Variants in KCNH1 observed in about 807,000 individuals in gnomAD.
KCNH1 encodes the protein voltage-gated delayed rectifier potassium channel KCNH1.
A neutral mutation model predicts 69.2 loss-of-function variants in KCNH1; 27 were observed. That is an observed-to-expected ratio of 0.39 (90% CI 0.29 to 0.54). KCNH1 has a LOEUF of 0.54. KCNH1 is among the 20% of genes least tolerant of loss of function. The pLI, the probability that KCNH1 is intolerant of heterozygous loss-of-function variation, is 0.68. For synonymous variants in KCNH1, 456 were observed against 487.7 expected, an observed-to-expected ratio of 0.93 and a Z score of 0.86; for missense variants, 798 against 1,261.6, an observed-to-expected ratio of 0.63 and a Z score of 5.57.
At chr1:211,035,986 C>T (rs557370538) in intron 5 of KCNH1, among the ~76,000 whole-genome samples, 1 of 152,168 alleles carries the variant, frequency 6.6e-6, no homozygotes, top group South Asian at 2.1e-4. Flanking sequence ...ATGCACCAGG[C>T]GCTTGGTCTA....
intron 10 of KCNH1, among the ~76,000 whole-genome samples, chr1:210,751,375 G>T (rs1468395813): frequency 6.6e-6 from 1 of 152,154 alleles, no homozygotes; most frequent in Non-Finnish European, 1.5e-5. Context: ...CAGTTTTAGT[G>T]GCTGTATGAC....
chr1:211,023,610 C>T (rs758010196), intron 5 of KCNH1, among the ~76,000 whole-genome samples: 10 of 151,708 alleles, frequency 6.6e-5, no homozygotes, highest in Non-Finnish European at 1.2e-4. Context: ...AAGCTGACCT[C>T]CTAGAAGTAG....
At chr1:211,076,841 G>T (rs568113033) in intron 5 of KCNH1, among the ~76,000 whole-genome samples, 1 of 152,184 alleles carries the variant, frequency 6.6e-6, no homozygotes, top group Non-Finnish European at 1.5e-5. Flanking sequence ...CGAACCCATC[G>T]CAAGGAAGCT....
chr1:211,035,908 T>C (rs905167761), intron 5 of KCNH1, among the ~76,000 whole-genome samples: 2 of 152,186 alleles, frequency 1.3e-5, no homozygotes, highest in African/African-American at 4.8e-5. Flanking sequence ...ACCTTCCTCC[T>C]CAGAAGTGTG....
intron 6 of KCNH1, among the ~76,000 whole-genome samples, chr1:210,971,295 A>G (rs566670841): frequency 8.9e-4 from 136 of 152,242 alleles, no homozygotes; most frequent in African/African-American, 3.1e-3. Flanking sequence ...TTATATGTCT[A>G]AATATTTTCT....
At chr1:210,737,998 G>T (rs779850832) in intron 10 of KCNH1, among the ~76,000 whole-genome samples, 9 of 152,110 alleles carry the variant, frequency 5.9e-5, no homozygotes, top group Non-Finnish European at 1.3e-4. Flanking sequence ...CTTAGAATAA[G>T]AGCCAAAGTC....
intron 7 of KCNH1, among the ~76,000 whole-genome samples, chr1:210,868,030 T>C (rs1686152680): frequency 6.6e-6 from 1 of 152,034 alleles, no homozygotes; most frequent in South Asian, 2.1e-4. Context: ...TGAACAGAAG[T>C]GGAAACACTA....
At chr1:210,736,398 A>C (rs1177843599) in intron 10 of KCNH1, among the ~76,000 whole-genome samples, 1 of 152,134 alleles carries the variant, frequency 6.6e-6, no homozygotes, top group East Asian at 1.9e-4. Flanking sequence ...AAAATACAAA[A>C]GTAGACAGGT....
At chr1:211,053,960 A>C (rs1399716692) in intron 5 of KCNH1, among the ~76,000 whole-genome samples, 1 of 152,164 alleles carries the variant, frequency 6.6e-6, no homozygotes, top group African/African-American at 2.4e-5. Flanking sequence ...ACTACACAGA[A>C]TTTCCAGAAA....
intron 7 of KCNH1, among the ~76,000 whole-genome samples, chr1:210,879,858 CA>C (rs769370957): frequency 3.3e-5 from 5 of 151,754 alleles, no homozygotes; most frequent in South Asian, 2.1e-4. Context: ...AAAGAACTGA[CA>C]AAAAAATCTT....
intron 6 of KCNH1, among the ~76,000 whole-genome samples, chr1:210,956,723 G>C (rs1688184464): frequency 6.6e-6 from 1 of 152,084 alleles, no homozygotes; most frequent in Admixed American, 6.6e-5. Flanking sequence ...AGTATTCTCT[G>C]ATGGTAGTTT....
intron 7 of KCNH1, among the ~76,000 whole-genome samples, chr1:210,905,411 G>A (rs1687080893): frequency 6.6e-6 from 1 of 152,024 alleles, no homozygotes; most frequent in African/African-American, 2.4e-5. Flanking sequence ...AGGCATCCTG[G>A]TACTGTCAAG....
rs144030844 is a variant in KCNH1, at chr1:210,685,338, G to A, written c.2113-1200C>T. On this transcript the variant is annotated intron_variant, in intron 10 of 10. Coordinates refer to ENST00000271751, the MANE Select transcript of KCNH1 (RefSeq NM_172362.3). ...GAGATTGTGTAGAATTAGAGGAGAG[G>A]CCTGCGGTAAGGGAGAACAGCAGCT... Among the ~76,000 whole-genome samples the A allele has an allele frequency of 2.1e-4, 32 of 152,236 alleles. No homozygotes were observed. In the East Asian group the frequency reaches 5.8e-3, roughly 28 times the overall value.
chr1:211,108,772 A>G (rs1344049322), intron 1 of KCNH1: 3 of 152,250 alleles, frequency 2.0e-5, no homozygotes, highest in African/African-American at 7.2e-5. Flanking sequence ...ATGTGAATCT[A>G]TAAAGCTACT....
At chr1:210,952,121 C>G (rs2102346962) in intron 6 of KCNH1, among the ~76,000 whole-genome samples, 1 of 152,196 alleles carries the variant, frequency 6.6e-6, no homozygotes, top group East Asian at 1.9e-4. Context: ...TGTCTCTTTA[C>G]CTCCTCTCTC....
rs1170489324 is a variant in KCNH1, at chr1:210,888,691, CA to C, written c.1462+30948del. On this transcript the variant is annotated intron_variant, in intron 7 of 10. Coordinates refer to ENST00000271751, the MANE Select transcript of KCNH1 (RefSeq NM_172362.3). ...AATAAAGAAGAAAAGAGAGAAGAAT[CA>C]AATAGACACAATAAAAAATGATAAA... is the stretch of plus-strand genomic sequence containing the variant. 2.0e-5 allele frequency among the ~76,000 whole-genome samples: 3 copies of C among 151,926 alleles called. No individual in the cohort carries two copies. In the East Asian group the frequency reaches 5.8e-4, roughly 30 times the overall value.
intron 7 of KCNH1, among the ~76,000 whole-genome samples, chr1:210,820,693 A>C (rs568485915): frequency 7.3e-4 from 111 of 152,206 alleles, no homozygotes; most frequent in Non-Finnish European, 1.2e-3. Context: ...TGGGATGAGA[A>C]GATTACTGTG....
chr1:210,710,436 GAT>G (rs890283721), intron 10 of KCNH1, among the ~76,000 whole-genome samples: 1 of 151,984 alleles, frequency 6.6e-6, no homozygotes, highest in African/African-American at 2.4e-5. Context: ...GAAAGAGAGA[GAT>G]ATACGAAGAG....
At chr1:211,003,878 G>C (rs1333075733) in intron 6 of KCNH1, among the ~76,000 whole-genome samples, 3 of 152,152 alleles carry the variant, frequency 2.0e-5, no homozygotes, top group African/African-American at 7.2e-5. Context: ...CGGATCACGA[G>C]GTCAGGAGAT....
Sources: allele counts gnomAD v4.1 joint callset (sites outside exome capture counted in the v4.1 genomes callset), GRCh38; gene constraint gnomAD v4.1.1; transcripts MANE v1.5; gene names NCBI Gene and HGNC (gene_info 2026-07-23, HGNC 2026-07-21).